CDH13: variants seen among roughly 807,000 people sequenced by gnomAD.
CDH13 encodes cadherin-13.
Under a neutral mutation model 63.8 loss-of-function variants are expected in CDH13, and 24 were observed. That is an observed-to-expected ratio of 0.38 (90% CI 0.27 to 0.53). CDH13 has a LOEUF of 0.53. Among genes scored for constraint, CDH13 ranks in the 20% least tolerant of loss-of-function variants. The pLI is 0.85. For missense variants in CDH13, 1,049 were observed against 903.1 expected (o/e 1.16, Z -2.07); for synonymous variants, 503 against 355.3 (o/e 1.42, Z -4.67).
intron 7 of CDH13, among the ~76,000 whole-genome samples, chr16:83,592,530 GT>G (rs990933733): frequency 3.3e-5 from 5 of 152,186 alleles, no homozygotes; most frequent in African/African-American, 1.2e-4. Context: ...GCCATTGGCA[GT>G]TTATTTACTG....
At chr16:83,191,470 T>TATATATATATATATATATGCAC (rs2038700487) in intron 4 of CDH13, among the ~76,000 whole-genome samples, 1 of 109,552 alleles carries the variant, frequency 9.1e-6, no homozygotes, top group Admixed American at 9.4e-5. Context: ...TATATATATA[T>TATATATATATATATATATGCAC]ATATATATAT....
At chr16:83,589,345 C>A (rs1439344908) in intron 7 of CDH13, among the ~76,000 whole-genome samples, 2 of 140,576 alleles carry the variant, frequency 1.4e-5, no homozygotes, top group Non-Finnish European at 3.1e-5. Context: ...CTGTCTCCCT[C>A]CCTCCTCCCT....
chr16:82,930,039 CTT>C (rs71146098), intron 2 of CDH13, among the ~76,000 whole-genome samples: 53 of 94,768 alleles, frequency 5.6e-4, no homozygotes, highest in Non-Finnish European at 6.8e-4. Context: ...TAGTTTGTCT[CTT>C]TTTTTTTTTT....
intron 6 of CDH13, among the ~76,000 whole-genome samples, chr16:83,425,159 C>T (rs1390307234): frequency 2.0e-5 from 3 of 152,188 alleles, no homozygotes; most frequent in Non-Finnish European, 4.4e-5. Flanking sequence ...TCATTCTGCT[C>T]TCCCGACATT....
intron 1 of CDH13, among the ~76,000 whole-genome samples, chr16:82,763,162 C>T (rs1309373600): frequency 6.6e-6 from 1 of 152,170 alleles, no homozygotes; most frequent in Admixed American, 6.5e-5. Context: ...CCTGCCCCAC[C>T]CAGTATCTGT....
chr16:83,111,965 A>C (rs578204586), intron 3 of CDH13, among the ~76,000 whole-genome samples: 1 of 152,360 alleles, frequency 6.6e-6, no homozygotes, highest in Admixed American at 6.5e-5. Context: ...AAAAACTCTT[A>C]TTCCTTAAAT....
intron 7 of CDH13, among the ~76,000 whole-genome samples, chr16:83,540,717 T>G (rs1042689306): frequency 1.3e-5 from 2 of 152,188 alleles, no homozygotes; most frequent in African/African-American, 4.8e-5. Flanking sequence ...TAGTAACTGT[T>G]GTAGTGACTG....
At chr16:83,727,739 G>C (rs1221057232) in intron 10 of CDH13, among the ~76,000 whole-genome samples, 2 of 152,140 alleles carry the variant, frequency 1.3e-5, no homozygotes, top group Non-Finnish European at 2.9e-5. Flanking sequence ...TGTGTGTTCA[G>C]GACAGGAGGA....
intron 5 of CDH13, among the ~76,000 whole-genome samples, chr16:83,276,957 C>G (rs763157138): frequency 6.6e-6 from 1 of 152,224 alleles, no homozygotes; most frequent in East Asian, 1.9e-4. Context: ...CCTTATAAAA[C>G]CATTAGATCT....
At chr16:83,295,091 A>T (rs997509120) in intron 5 of CDH13, among the ~76,000 whole-genome samples, 5 of 152,166 alleles carry the variant, frequency 3.3e-5, no homozygotes, top group African/African-American at 1.2e-4. Context: ...TCTATGGCCA[A>T]CTAATTTCCA....
At chr16:83,647,037 G>C (rs1033641638) in intron 8 of CDH13, among the ~76,000 whole-genome samples, 1 of 152,024 alleles carries the variant, frequency 6.6e-6, no homozygotes, top group Non-Finnish European at 1.5e-5. Context: ...TCGGCCAGGC[G>C]CGGTGGCTCA....
At chr16:83,507,023 G>C (rs2074412824) in intron 7 of CDH13, among the ~76,000 whole-genome samples, 1 of 152,106 alleles carries the variant, frequency 6.6e-6, no homozygotes, top group Non-Finnish European at 1.5e-5. Flanking sequence ...CTAAGTTTGG[G>C]GTAATTTTAT....
intron 1 of CDH13, chr16:82,824,540 C>T (rs1056399779): frequency 1.1e-4 from 16 of 152,102 alleles, no homozygotes; most frequent in African/African-American, 3.9e-4. Context: ...GTTCACAACG[C>T]CATCTAGTCT....
intron 8 of CDH13, among the ~76,000 whole-genome samples, chr16:83,666,033 T>A (rs192303498): frequency 6.6e-6 from 1 of 152,336 alleles, no homozygotes; most frequent in African/African-American, 2.4e-5. Flanking sequence ...GCCACAGTGA[T>A]TGTGTAAAAA....
At chr16:83,749,409 G>A (rs537872205) in intron 11 of CDH13, among the ~76,000 whole-genome samples, 143 of 152,278 alleles carry the variant, frequency 9.4e-4, no homozygotes, top group Non-Finnish European at 1.7e-3. Context: ...CGGATGAGTG[G>A]CATTACCCAG....
chr16:83,560,671 C>G (rs1055053123), intron 7 of CDH13, among the ~76,000 whole-genome samples: 10 of 152,240 alleles, frequency 6.6e-5, no homozygotes, highest in Non-Finnish European at 1.3e-4. Context: ...CTGGGCCTCC[C>G]TGCTGTGTGC....
chr16:83,324,138 A>C (rs1056678555), intron 5 of CDH13, among the ~76,000 whole-genome samples: 20 of 151,518 alleles, frequency 1.3e-4, no homozygotes, highest in African/African-American at 4.9e-4. Flanking sequence ...CCCAGGTTCA[A>C]GTAGTTCCTT....
chr16:82,746,460 C>T (rs2034179721), intron 1 of CDH13, among the ~76,000 whole-genome samples: 2 of 152,110 alleles, frequency 1.3e-5, no homozygotes, highest in East Asian at 1.9e-4. Context: ...CATATTCTCT[C>T]CAGGTCAGCC....
chr16:82,703,773 C>T (rs563245430), intron 1 of CDH13, among the ~76,000 whole-genome samples: 1 of 152,064 alleles, frequency 6.6e-6, no homozygotes, highest in African/African-American at 2.4e-5. Flanking sequence ...TGCTAATGCC[C>T]CCTCTTTGCC....
Sources: gnomAD v4.1 joint callset for allele counts (sites outside exome capture counted in the v4.1 genomes callset) on GRCh38, gnomAD v4.1.1 for gene constraint, MANE v1.5 for transcripts, NCBI Gene and HGNC (gene_info 2026-07-23, HGNC 2026-07-21) for gene names.